The following RBPMS variants were observed in gnomAD, a reference collection of about 807,000 sequenced individuals.
RBPMS encodes RNA-binding protein with multiple splicing.
A neutral mutation model predicts 26.8 loss-of-function variants in RBPMS; 7 were observed. That is an observed-to-expected ratio of 0.26 (90% CI 0.15 to 0.49). The LOEUF (loss-of-function observed/expected upper bound fraction) is 0.49. Among genes scored for constraint, RBPMS ranks in the 20% least tolerant of loss-of-function variants. RBPMS has a pLI of 0.98. For synonymous variants in RBPMS, 96 were observed against 93.3 expected (o/e 1.03, Z -0.17); for missense variants, 186 against 250.0 (o/e 0.74, Z 1.73).
intron 4 of RBPMS, among the ~76,000 whole-genome samples, chr8:30,485,308 C>G (rs1396446249): frequency 1.3e-5 from 2 of 152,214 alleles, no homozygotes; most frequent in African/African-American, 2.4e-5. Flanking sequence ...TGGCCTATCT[C>G]AACTCCCATG....
At chr8:30,518,687 CT>C (rs58763494) in intron 5 of RBPMS, among the ~76,000 whole-genome samples, 71 of 18,234 alleles carry the variant, frequency 3.9e-3, no homozygotes, top group Non-Finnish European at 4.6e-3. Context: ...CCAAGCATGA[CT>C]TTTTTTTTTT....
In RBPMS at chr8:30,416,459, G is replaced by GT. The variant is rs558302678; in HGVS notation, c.66+31302dup. Among the ~76,000 whole-genome samples, 566 of 151,518 alleles carry GT rather than the reference G, an allele frequency of 3.7e-3. 4 individuals are homozygous for GT. The highest frequency in any genetic ancestry group is 0.01 in the Middle Eastern group (3 of 288). On this transcript the variant is annotated intron_variant, in intron 1 of 8. Transcript: ENST00000397323. ...CCATTATTATGTCTCAGCCTCCCTA[G>GT]TAACAGGTGCCCACCACCATGCCTG...
At chr8:30,408,066 A>T (rs915072496) in intron 1 of RBPMS, among the ~76,000 whole-genome samples, 5 of 152,128 alleles carry the variant, frequency 3.3e-5, no homozygotes, top group Non-Finnish European at 7.4e-5. Flanking sequence ...CAGTTACAGG[A>T]TCCTTAGTTT....
rs551396740 is a variant in RBPMS, at chr8:30,571,244, G to T, written c.*719G>T. 6.6e-6 allele frequency: 1 copy of T among 152,272 alleles called. No individual in the cohort carries two copies. Among genetic ancestry groups the T allele is most frequent in the South Asian group, 2.1e-4 (1 of 4,826 alleles). 9.4% of individuals were successfully genotyped at this position (152,272 alleles called of 1,614,324 possible). A position where few individuals can be genotyped will look rare whatever the true frequency, so the allele number is the denominator to read the frequency against. On this transcript the variant is annotated 3_prime_UTR_variant, in exon 9 of 9. Transcript: ENST00000397323. ...CTATGGCTTATTCACAACTGGGCAA[G>T]AAAACATCATTGGTAAGAACTGCTG...
chr8:30,552,615 G>A (rs1398367539), intron 6 of RBPMS: 1 of 152,204 alleles, frequency 6.6e-6, no homozygotes, highest in Non-Finnish European at 1.5e-5. Context: ...ATTAAATATG[G>A]ATGACAAGCA....
chr8:30,409,196 CTT>C (rs571043064), intron 1 of RBPMS, among the ~76,000 whole-genome samples: 10 of 142,970 alleles, frequency 7.0e-5, no homozygotes, highest in Admixed American at 1.4e-4. Flanking sequence ...AGCGTTTTCT[CTT>C]TTTTTTTTTT....
intron 1 of RBPMS, chr8:30,446,964 A>C (rs556557324): frequency 6.6e-6 from 1 of 152,080 alleles, no homozygotes; most frequent in Non-Finnish European, 1.5e-5. Context: ...CTTATGATCT[A>C]AGGTGGGTGC....
At chr8:30,391,215 T>G (rs1469579176) in intron 1 of RBPMS, among the ~76,000 whole-genome samples, 1 of 152,180 alleles carries the variant, frequency 6.6e-6, no homozygotes, top group East Asian at 1.9e-4. Flanking sequence ...TGTCCCAAGG[T>G]GCATTTGGGT....
intron 1 of RBPMS, among the ~76,000 whole-genome samples, chr8:30,462,647 C>A (rs1301374672): frequency 6.6e-6 from 1 of 152,044 alleles, no homozygotes; most frequent in Non-Finnish European, 1.5e-5. Context: ...AGGCTGGTCT[C>A]GAACTCCTGA....
intron 6 of RBPMS, chr8:30,558,435 G>C (rs931718821): frequency 4.4e-6 from 1 of 225,986 alleles, no homozygotes; most frequent in Non-Finnish European, 8.9e-6. Context: ...TCGCAAAGTA[G>C]TCCTGGCCAG....
intron 1 of RBPMS, among the ~76,000 whole-genome samples, chr8:30,415,030 C>A (rs1585385566): frequency 1.3e-5 from 2 of 152,284 alleles, no homozygotes; most frequent in South Asian, 4.1e-4. Flanking sequence ...TCCCAGACTT[C>A]TGTCCTGAAA....
intron 1 of RBPMS, among the ~76,000 whole-genome samples, chr8:30,416,824 CA>C (rs201552383): frequency 0.012 from 1,880 of 152,082 alleles, 45 homozygotes; most frequent in African/African-American, 0.043. Flanking sequence ...GGCTGGACTA[CA>C]GTGGTGCAAT....
intron 1 of RBPMS, among the ~76,000 whole-genome samples, chr8:30,437,211 G>T (rs916103743): frequency 2.0e-5 from 3 of 150,912 alleles, no homozygotes; most frequent in African/African-American, 4.8e-5. Flanking sequence ...GTGAGCCACC[G>T]CGCCCAGCCG....
intron 1 of RBPMS, among the ~76,000 whole-genome samples, chr8:30,408,892 C>G (rs537806762): frequency 1.3e-5 from 2 of 152,204 alleles, no homozygotes; most frequent in African/African-American, 4.8e-5. Context: ...AACTGCTGAT[C>G]TGCTTTTTTT....
intron 4 of RBPMS, among the ~76,000 whole-genome samples, chr8:30,483,101 T>C (rs1196077843): frequency 6.6e-6 from 1 of 152,196 alleles, no homozygotes; most frequent in East Asian, 1.9e-4. Context: ...GTAGGAATCT[T>C]GTTTTTATAA....
intron 5 of RBPMS, among the ~76,000 whole-genome samples, chr8:30,513,254 A>G (rs1252111128): frequency 6.6e-6 from 1 of 152,086 alleles, no homozygotes; most frequent in African/African-American, 2.4e-5. Context: ...ACCCAGCTGA[A>G]TTTGTTTCTT....
chr8:30,505,449 G>C (rs966517689), intron 5 of RBPMS, among the ~76,000 whole-genome samples: 1 of 152,164 alleles, frequency 6.6e-6, no homozygotes. Flanking sequence ...CAGCCATTCT[G>C]TAGTTCAGTC....
chr8:30,484,519 C>T (rs1418964578), intron 4 of RBPMS, among the ~76,000 whole-genome samples: 2 of 152,130 alleles, frequency 1.3e-5, no homozygotes, highest in South Asian at 4.1e-4. Flanking sequence ...AGTTGAAAAG[C>T]AGTTTTGTTT....
intron 4 of RBPMS, among the ~76,000 whole-genome samples, chr8:30,499,736 A>G (rs1820352695): frequency 6.6e-6 from 1 of 152,206 alleles, no homozygotes; most frequent in Admixed American, 6.5e-5. Context: ...GATGACAACT[A>G]AGTGCTGTGT....
Sources: gnomAD v4.1 joint callset for allele counts (sites outside exome capture counted in the v4.1 genomes callset) on GRCh38, gnomAD v4.1.1 for gene constraint, MANE v1.5 for transcripts, NCBI Gene and HGNC (gene_info 2026-07-23, HGNC 2026-07-21) for gene names.